The following DLG2 variants were observed in gnomAD, a reference collection of about 807,000 sequenced individuals.
DLG2 encodes the protein disks large homolog 2.
Under a neutral mutation model 132.5 loss-of-function variants are expected in DLG2, and 45 were observed. The observed-to-expected ratio is 0.34, with a 90% CI of 0.27 to 0.44. The LOEUF is 0.44. Among genes scored for constraint, DLG2 ranks in the 20% least tolerant of loss-of-function variants. DLG2 has a pLI of 1.00. For missense variants in DLG2, 1,045 were observed against 1,196.9 expected (o/e 0.87, Z 1.87); for synonymous variants, 424 against 419.6 (o/e 1.01, Z -0.13).
At chr11:85,301,724 G>A (rs530249256) in intron 3 of DLG2, among the ~76,000 whole-genome samples, 6 of 152,206 alleles carry the variant, frequency 3.9e-5, no homozygotes, top group African/African-American at 1.2e-4. Flanking sequence ...GTCATAGCTC[G>A]TTCTGGACCT....
chr11:84,154,378 A>G (rs527456914), intron 9 of DLG2, among the ~76,000 whole-genome samples: 1 of 152,308 alleles, frequency 6.6e-6, no homozygotes, highest in East Asian at 1.9e-4. Flanking sequence ...GTGAAAGCAA[A>G]TCATCTCCTT....
At chr11:84,875,921 A>T (rs1338034082) in intron 6 of DLG2, among the ~76,000 whole-genome samples, 1 of 152,088 alleles carries the variant, frequency 6.6e-6, no homozygotes, top group Non-Finnish European at 1.5e-5. Flanking sequence ...TATTTTTAGT[A>T]GAGACGGGGT....
At chr11:85,306,678 C>G (rs113207945) in intron 3 of DLG2, among the ~76,000 whole-genome samples, 22,379 of 152,194 alleles carry the variant, frequency 0.15, 2,357 homozygotes, top group Non-Finnish European at 0.2. Context: ...TCAGGCCATT[C>G]TCCTGCCTCA....
At chr11:85,261,633 C>G (rs1246876029) in intron 4 of DLG2, among the ~76,000 whole-genome samples, 2 of 152,042 alleles carry the variant, frequency 1.3e-5, no homozygotes, top group African/African-American at 2.4e-5. Flanking sequence ...ATAGCAGAAT[C>G]CAGGAGAGAT....
intron 3 of DLG2, among the ~76,000 whole-genome samples, chr11:85,504,329 G>A (rs1179389132): frequency 2.0e-5 from 3 of 152,002 alleles, no homozygotes; most frequent in East Asian, 3.9e-4. Flanking sequence ...TTTCTTCTAG[G>A]GTTTTTATGG....
chr11:84,000,811 A>C (rs1240314110), intron 11 of DLG2, among the ~76,000 whole-genome samples: 5 of 152,126 alleles, frequency 3.3e-5, no homozygotes, highest in Admixed American at 2.6e-4. Context: ...AGAAGCAAAA[A>C]CAAGAAATTC....
chr11:83,465,005 T>C (rs2090756301), intron 26 of DLG2, among the ~76,000 whole-genome samples: 1 of 152,222 alleles, frequency 6.6e-6, no homozygotes. Context: ...ATGCCCGACA[T>C]AGTATCCTAT....
chr11:83,805,885 C>G (rs1313784280), intron 17 of DLG2, among the ~76,000 whole-genome samples: 1 of 152,112 alleles, frequency 6.6e-6, no homozygotes, highest in Non-Finnish European at 1.5e-5. Flanking sequence ...AAGTGAGGCA[C>G]AGAGAATGAA....
At chr11:84,281,549 T>C (rs1567169758) in intron 7 of DLG2, among the ~76,000 whole-genome samples, 1 of 151,604 alleles carries the variant, frequency 6.6e-6, no homozygotes, top group Non-Finnish European at 1.5e-5. Context: ...CATTAACTCA[T>C]CATTTAGCAT....
chr11:85,234,584 G>C (rs1242379472), intron 4 of DLG2, among the ~76,000 whole-genome samples: 2 of 151,956 alleles, frequency 1.3e-5, no homozygotes, highest in Non-Finnish European at 2.9e-5. Context: ...ATGGATATTA[G>C]AGAAAGAGAA....
At chr11:83,764,040 G>C (rs1263670913) in intron 18 of DLG2, among the ~76,000 whole-genome samples, 1 of 152,214 alleles carries the variant, frequency 6.6e-6, no homozygotes, top group Non-Finnish European at 1.5e-5. Context: ...GTTTGAACAA[G>C]AGCCTCTGAA....
chr11:85,479,439 C>T (rs1411535856), intron 3 of DLG2, among the ~76,000 whole-genome samples: 1 of 152,196 alleles, frequency 6.6e-6, no homozygotes, highest in Non-Finnish European at 1.5e-5. Flanking sequence ...CAAATACCGT[C>T]ATATTGGAGA....
At chr11:85,167,611 C>T (rs548911424) in intron 4 of DLG2, among the ~76,000 whole-genome samples, 7 of 152,208 alleles carry the variant, frequency 4.6e-5, no homozygotes, top group Admixed American at 4.6e-4. Context: ...CTTAAGTCTG[C>T]CTAGTTTATT....
chr11:84,298,302 T>G (rs570434002), intron 7 of DLG2, among the ~76,000 whole-genome samples: 1 of 152,224 alleles, frequency 6.6e-6, no homozygotes, highest in East Asian at 1.9e-4. Flanking sequence ...TTTGCATACC[T>G]TGATATAAGG....
chr11:84,292,963 C>A (rs1002147131), intron 7 of DLG2, among the ~76,000 whole-genome samples: 2 of 152,024 alleles, frequency 1.3e-5, no homozygotes, highest in African/African-American at 4.8e-5. Context: ...AGAAAGTTTA[C>A]AAATATGTAT....
chr11:85,095,527 T>A (rs2069587647), intron 6 of DLG2, among the ~76,000 whole-genome samples: 1 of 152,124 alleles, frequency 6.6e-6, no homozygotes, highest in Admixed American at 6.5e-5. Flanking sequence ...TATGGGCTCT[T>A]AAATATGCTC....
intron 3 of DLG2, among the ~76,000 whole-genome samples, chr11:85,354,480 G>A (rs916051852): frequency 6.6e-6 from 1 of 151,924 alleles, no homozygotes; most frequent in Non-Finnish European, 1.5e-5. Flanking sequence ...CCTTCCCCTT[G>A]TTCTTCAGGG....
intron 6 of DLG2, among the ~76,000 whole-genome samples, chr11:85,085,253 A>G (rs1424451029): frequency 1.3e-5 from 2 of 152,128 alleles, no homozygotes; most frequent in African/African-American, 4.8e-5. Context: ...TCCCAACTCA[A>G]CAAAGCAGTC....
At chr11:83,545,743 G>A (rs781583722) in intron 19 of DLG2, among the ~76,000 whole-genome samples, 3 of 152,052 alleles carry the variant, frequency 2.0e-5, no homozygotes, top group Non-Finnish European at 4.4e-5. Flanking sequence ...CTCAGCAACA[G>A]GTTCTTTCCA....
Sources: gnomAD v4.1 joint callset for allele counts (sites outside exome capture counted in the v4.1 genomes callset) on GRCh38, gnomAD v4.1.1 for gene constraint, MANE v1.5 for transcripts, NCBI Gene and HGNC (gene_info 2026-07-23, HGNC 2026-07-21) for gene names.